ANO1: variants seen among roughly 807,000 people sequenced by gnomAD.
ANO1 encodes anoctamin-1.
ANO1 carries 59 observed loss-of-function variants against 124.0 expected under a neutral mutation model. The observed-to-expected ratio is 0.48, with a 90% CI of 0.39 to 0.59. The LOEUF is 0.59. ANO1 is among the 20% of genes least tolerant of loss of function. ANO1 has a pLI of 0.00. For missense variants in ANO1, 1,059 were observed against 1,328.0 expected (o/e 0.80, Z 3.15); for synonymous variants, 529 against 532.0 (o/e 0.99, Z 0.08).
intron 1 of ANO1, among the ~76,000 whole-genome samples, chr11:69,989,382 G>T (rs1856110947): frequency 6.6e-6 from 1 of 152,162 alleles, no homozygotes; most frequent in African/African-American, 2.4e-5. Flanking sequence ...ACACCTGAAA[G>T]AGATGGGGGA....
intron 2 of ANO1, among the ~76,000 whole-genome samples, chr11:70,099,545 G>C (rs2045173708): frequency 1.3e-5 from 2 of 152,158 alleles, no homozygotes; most frequent in Admixed American, 6.5e-5. Context: ...CCACACGTGG[G>C]CTGTCTTTTC....
chr11:69,976,456 G>A, the ANO1 span, among the ~76,000 whole-genome samples: 690 of 145,670 alleles, frequency 4.7e-3, 5 homozygotes, highest in African/African-American at 0.017. Context: ...GCAGTGAGCC[G>A]AGATAGCGCC....
chr11:70,025,992 G>GTGATGA (rs576454721), intron 1 of ANO1, among the ~76,000 whole-genome samples: 1 of 141,704 alleles, frequency 7.1e-6, no homozygotes, highest in Non-Finnish European at 1.5e-5. Flanking sequence ...GGTAGTGGTG[G>GTGATGA]TGATGATGAT....
At chr11:69,986,003 G>A (rs1856032552) in exon 1 of ANO1, 2 of 152,142 alleles carry the variant, frequency 1.3e-5, no homozygotes, top group African/African-American at 4.8e-5. Context: ...GCTAGGCTCG[G>A]ACCTTGGCCC....
chr11:70,017,055 C>G (rs1591036606), intron 1 of ANO1, among the ~76,000 whole-genome samples: 1 of 152,246 alleles, frequency 6.6e-6, no homozygotes, highest in Admixed American at 6.5e-5. Context: ...GCAGGGCTCA[C>G]TGCCCACTTC....
chr11:70,100,860 C>T (rs1007644058), intron 2 of ANO1, among the ~76,000 whole-genome samples: 5 of 152,176 alleles, frequency 3.3e-5, no homozygotes, highest in Admixed American at 1.3e-4. Context: ...TATTGCCCTT[C>T]GTTCGTTCAT....
chr11:70,161,022 GCCC>G, intron 16 of ANO1, 136 bp from the exon 17 acceptor site: 1 of 784,516 alleles, frequency 1.3e-6, no homozygotes, highest in Non-Finnish European at 2.0e-6. Flanking sequence ...TTTGGCAGGT[GCCC>G]AAGAAATGTC....
Position 70,103,085 on chromosome 11 carries a change from G to A in ANO1, c.461G>A (p.Gly154Glu), listed in dbSNP as rs374982662. The change falls in exon 3 of 26, where the codon GGG becomes GAG. Residue 154 changes from glycine (G) to glutamate (E), a missense_variant. This residue lies in a region of ANO1 where 250 missense variants were observed against 233.1 expected (regional missense o/e 1.07). Transcript: ENST00000355303. ...CTCCAGACTAAAATCCACGGAGTCG[G>A]GTTTGTGAAAATCCATGCCCCCTGG... The part of the protein sequence containing the change: ...RDEDTKIHGV[G>E]FVKIHAPWNV... 6.2e-7 allele frequency: 1 copy of A among 1,612,328 alleles called. No homozygotes were observed. The highest frequency in any genetic ancestry group is 8.5e-7 in the Non-Finnish European group (1 of 1,179,278).
At chr11:70,047,838 T>A (rs1423173557) in intron 1 of ANO1, among the ~76,000 whole-genome samples, 1 of 152,232 alleles carries the variant, frequency 6.6e-6, no homozygotes, top group Non-Finnish European at 1.5e-5. Context: ...AAGAATGGTA[T>A]TTTCTTTGGA....
chr11:69,968,244 C>A, the ANO1 span, among the ~76,000 whole-genome samples: 2 of 152,112 alleles, frequency 1.3e-5, no homozygotes, highest in Non-Finnish European at 1.5e-5. Context: ...CTTGGTGCCT[C>A]CCTGAGAGAG....
chr11:70,102,212 A>G (rs996669358), intron 2 of ANO1, among the ~76,000 whole-genome samples: 25 of 152,082 alleles, frequency 1.6e-4, no homozygotes, highest in Non-Finnish European at 3.4e-4. Context: ...GCACAGCTCC[A>G]CCCTGCTAGC....
chr11:69,990,291 T>C (rs1445440094), intron 1 of ANO1, among the ~76,000 whole-genome samples: 1 of 152,216 alleles, frequency 6.6e-6, no homozygotes, highest in Non-Finnish European at 1.5e-5. Flanking sequence ...ACTTGGTATG[T>C]TTTTAAGGCA....
At chr11:70,017,193 A>T (rs1366626538) in intron 1 of ANO1, among the ~76,000 whole-genome samples, 1 of 152,212 alleles carries the variant, frequency 6.6e-6, no homozygotes, top group Non-Finnish European at 1.5e-5. Context: ...AGCGGTCCGA[A>T]CAAAGGCCAG....
chr11:70,015,186 A>G (rs1409414219), intron 1 of ANO1: 1 of 151,962 alleles, frequency 6.6e-6, no homozygotes, highest in African/African-American at 2.4e-5. Flanking sequence ...GGGCGTTTTC[A>G]TGGTTGTGAT....
At chr11:70,114,338 C>G (rs572173908) in intron 7 of ANO1, among the ~76,000 whole-genome samples, 1 of 152,200 alleles carries the variant, frequency 6.6e-6, no homozygotes, top group Non-Finnish European at 1.5e-5. Flanking sequence ...GAAGGGCGCC[C>G]GTGCTGCTAA....
Position 70,145,389 on chromosome 11 carries a change from C to G in ANO1, c.1259-4321C>G, listed in dbSNP as rs1006642580. Among the ~76,000 whole-genome samples, 4 of 152,188 alleles carry G rather than the reference C, an allele frequency of 2.6e-5. No homozygotes were observed. The South Asian group carries it at 6.2e-4, about 24-fold the overall frequency. On this transcript the variant is annotated intron_variant, in intron 11 of 25. Transcript: ENST00000355303. ...AGGGATGATCATTGCTTAGCTCCAGCCTTCCGCTGCCAATGCTTCTGGCTT... is the reference window on the plus strand; with the variant it reads ...AGGGATGATCATTGCTTAGCTCCAGGCTTCCGCTGCCAATGCTTCTGGCTT...
At chr11:70,085,117 G>A (rs948455951) in intron 1 of ANO1, among the ~76,000 whole-genome samples, 2 of 152,238 alleles carry the variant, frequency 1.3e-5, no homozygotes, top group Admixed American at 1.3e-4. Flanking sequence ...GCTGTAACCC[G>A]GGCTCTCCTG....
chr11:70,020,688 C>G (rs1856787495), intron 1 of ANO1, among the ~76,000 whole-genome samples: 1 of 152,192 alleles, frequency 6.6e-6, no homozygotes, highest in Admixed American at 6.5e-5. Context: ...ATCTCGACAG[C>G]CTGGGATGAC....
intron 1 of ANO1, among the ~76,000 whole-genome samples, chr11:70,025,499 G>A (rs1856878488): frequency 6.6e-6 from 1 of 151,934 alleles, no homozygotes; most frequent in African/African-American, 2.4e-5. Flanking sequence ...TGACAATGAT[G>A]GCGATGATGG....
Sources: allele counts gnomAD v4.1 joint callset (sites outside exome capture counted in the v4.1 genomes callset), GRCh38; gene constraint gnomAD v4.1.1; regional missense constraint gnomAD v4.1.1; transcripts MANE v1.5; gene names NCBI Gene and HGNC (gene_info 2026-07-23, HGNC 2026-07-21).